The following MAP3K7CL variants were observed in gnomAD, a reference collection of about 807,000 sequenced individuals.
MAP3K7CL encodes the protein MAP3K7 C-terminal-like protein.
Under a neutral mutation model 18.6 loss-of-function variants are expected in MAP3K7CL, and 16 were observed. The observed-to-expected ratio is 0.86, with a 90% CI of 0.58 to 1.31. MAP3K7CL has a LOEUF of 1.31. Among genes scored for constraint, MAP3K7CL ranks in the 50% most tolerant of loss-of-function variants. The pLI, the probability that MAP3K7CL is intolerant of heterozygous loss-of-function variation, is 0.00. For missense variants in MAP3K7CL, 163 were observed against 174.4 expected (o/e 0.93, Z 0.37); for synonymous variants, 65 against 66.8 (o/e 0.97, Z 0.13).
At chr21:29,110,343 T>C (rs2146557285) in intron 4 of MAP3K7CL, among the ~76,000 whole-genome samples, 1 of 152,300 alleles carries the variant, frequency 6.6e-6, no homozygotes, top group East Asian at 1.9e-4. Flanking sequence ...ATTCAGATGC[T>C]TGGGGGACTA....
chr21:29,113,320 C>T (rs1448249656), intron 4 of MAP3K7CL, among the ~76,000 whole-genome samples: 1 of 152,154 alleles, frequency 6.6e-6, no homozygotes, highest in Non-Finnish European at 1.5e-5. Context: ...ACGTGGCCTT[C>T]CTTTCTTCCA....
rs769117458 is a variant in MAP3K7CL at position 29,174,779 on chromosome 21, G to A, written c.316G>A (p.Glu106Lys). 3.1e-6 allele frequency: 5 copies of A among 1,614,150 alleles called. No homozygotes were observed. The highest frequency in any genetic ancestry group is 4.2e-6 in the Non-Finnish European group (5 of 1,180,016). Reference protein sequence around the residue: ...EKVDAAELVREFEALTEENRT... With the variant: ...EKVDAAELVRKFEALTEENRT... ...GGTGGATGCTGCTGAGCTGGTTCGG[G>A]AATTCGAGGCTCTGACGGAGGAGAA... The change falls in exon 5 of 5, where the codon GAA (glutamate) becomes AAA (lysine). Residue 106 changes from glutamate to lysine, a missense_variant. Physicochemically the swap from Glu to Lys is moderately conservative, Grantham distance 56. Transcript: ENST00000399928.
At chr21:29,147,999 TTGCATA>T (rs2087178675) in intron 2 of MAP3K7CL, among the ~76,000 whole-genome samples, 1 of 151,928 alleles carries the variant, frequency 6.6e-6, no homozygotes, top group African/African-American at 2.4e-5. Context: ...TGTATGTGTA[TTGCATA>T]TGTATATGTA....
chr21:29,163,452 A>G (rs1003420466), intron 4 of MAP3K7CL, among the ~76,000 whole-genome samples: 4 of 152,154 alleles, frequency 2.6e-5, no homozygotes, highest in African/African-American at 9.7e-5. Context: ...ATCTTGGTTG[A>G]TGCAATATTG....
chr21:29,078,038 A>G (rs1346073230), intron 1 of MAP3K7CL, among the ~76,000 whole-genome samples: 1 of 149,728 alleles, frequency 6.7e-6, no homozygotes, highest in Non-Finnish European at 1.5e-5. Flanking sequence ...TAAAGTTTTA[A>G]CCCCTGTACG....
chr21:29,108,044 C>T (rs1455176305), intron 4 of MAP3K7CL, among the ~76,000 whole-genome samples: 2 of 152,124 alleles, frequency 1.3e-5, no homozygotes, highest in African/African-American at 2.4e-5. Context: ...GAGTTAATTT[C>T]CTGGGAAGGA....
intron 4 of MAP3K7CL, among the ~76,000 whole-genome samples, chr21:29,099,569 G>A (rs1248712836): frequency 1.3e-5 from 2 of 152,242 alleles, no homozygotes; most frequent in East Asian, 1.9e-4. Context: ...CCCCTGCTTT[G>A]TTCCACATGT....
chr21:29,136,250 A>G (rs2086882530), intron 2 of MAP3K7CL, among the ~76,000 whole-genome samples: 1 of 152,324 alleles, frequency 6.6e-6, no homozygotes, highest in South Asian at 2.1e-4. Flanking sequence ...ATTCTTGAAT[A>G]AGGAACATGT....
intron 4 of MAP3K7CL, among the ~76,000 whole-genome samples, chr21:29,108,164 G>A (rs1355717508): frequency 6.6e-6 from 1 of 152,142 alleles, no homozygotes; most frequent in African/African-American, 2.4e-5. Flanking sequence ...TTGAGACAGG[G>A]TCTTTAGGAC....
At chr21:29,139,847 G>T (rs1373219771) in intron 2 of MAP3K7CL, among the ~76,000 whole-genome samples, 1 of 148,084 alleles carries the variant, frequency 6.8e-6, no homozygotes, top group Admixed American at 6.7e-5. Context: ...GCCTCCCAAA[G>T]TGCTGGGATT....
upstream of MAP3K7CL, among the ~76,000 whole-genome samples, chr21:29,127,227 G>C (rs2086696201): frequency 6.6e-6 from 1 of 152,176 alleles, no homozygotes; most frequent in South Asian, 2.1e-4. Flanking sequence ...TATGTGAAAA[G>C]CTCCTTGAAT....
chr21:29,099,233 T>C (rs1372915823), intron 4 of MAP3K7CL, among the ~76,000 whole-genome samples: 1 of 151,142 alleles, frequency 6.6e-6, no homozygotes, highest in Non-Finnish European at 1.5e-5. Flanking sequence ...TGGGACTACA[T>C]GTGTACACCA....
chr21:29,135,326 A>G (rs887947185), intron 2 of MAP3K7CL, among the ~76,000 whole-genome samples: 5 of 152,190 alleles, frequency 3.3e-5, no homozygotes, highest in Admixed American at 2.0e-4. Context: ...TTGAGTGGCT[A>G]GCTCTCAAGA....
At chr21:29,149,710 A>G (rs549352558) in intron 3 of MAP3K7CL, among the ~76,000 whole-genome samples, 1 of 152,336 alleles carries the variant, frequency 6.6e-6, no homozygotes, top group Admixed American at 6.5e-5. Context: ...ATGGAATATA[A>G]CTATTTTAAC....
At chr21:29,172,241 C>CTTT (rs35612617) in intron 4 of MAP3K7CL, among the ~76,000 whole-genome samples, 19 of 126,278 alleles carry the variant, frequency 1.5e-4, no homozygotes, top group East Asian at 6.9e-4. Context: ...TTGTCATTTT[C>CTTT]TTTTTTTTTT....
At chr21:29,172,691 A>C (rs2087870239) in intron 4 of MAP3K7CL, among the ~76,000 whole-genome samples, 1 of 152,122 alleles carries the variant, frequency 6.6e-6, no homozygotes, top group South Asian at 2.1e-4. Flanking sequence ...ACATACGTAG[A>C]AGTAGTTTGG....
At chr21:29,149,163 A>C (rs762636643) in intron 2 of MAP3K7CL, 26 bp from the exon 3 acceptor site, 86 of 1,605,148 alleles carry the variant, frequency 5.4e-5, no homozygotes, top group Non-Finnish European at 7.3e-5. Context: ...TCCATAGTGA[A>C]GAATCATTTT....
At chr21:29,124,353 CAAAAAAAAAAA>C (rs59499297) in intron 4 of MAP3K7CL, among the ~76,000 whole-genome samples, 1 of 78,604 alleles carries the variant, frequency 1.3e-5, no homozygotes, top group African/African-American at 4.8e-5. Flanking sequence ...GACTCCGTCT[CAAAAAAAAAAA>C]AAAAAAAAAA....
intron 4 of MAP3K7CL, among the ~76,000 whole-genome samples, chr21:29,160,469 G>A (rs2087519655): frequency 6.6e-6 from 1 of 152,196 alleles, no homozygotes; most frequent in African/African-American, 2.4e-5. Context: ...TTAGTTGACT[G>A]ACTACATTTT....
Sources: gnomAD v4.1 joint callset for allele counts (sites outside exome capture counted in the v4.1 genomes callset) on GRCh38, gnomAD v4.1.1 for gene constraint, MANE v1.5 for transcripts, NCBI Gene and HGNC (gene_info 2026-07-23, HGNC 2026-07-21) for gene names.